Variants in RFX4 observed in about 807,000 individuals in gnomAD.
RFX4 encodes the protein regulatory factor X4.
In RFX4, 10 loss-of-function variants were observed where a neutral mutation model predicts 95.0. The observed-to-expected ratio is 0.11, with a 90% CI of 0.06 to 0.18. The LOEUF (loss-of-function observed/expected upper bound fraction) is 0.18, where lower values mean the gene tolerates loss of function less well. Among genes scored for constraint, RFX4 ranks in the 10% least tolerant of loss-of-function variants. The pLI, the probability that RFX4 is intolerant of heterozygous loss-of-function variation, is 1.00. For synonymous variants in RFX4, 321 were observed against 340.7 expected, an observed-to-expected ratio of 0.94 and a Z score of 0.64; for missense variants, 640 against 922.0, an observed-to-expected ratio of 0.69 and a Z score of 3.96.
chr12:106,645,951 A>T (rs2040735281), intron 3 of RFX4: 1 of 1,288,990 alleles, frequency 7.8e-7, no homozygotes, highest in Non-Finnish European at 1.0e-6. Flanking sequence ...GTTAAGCTGG[A>T]CAACCCAATG....
intron 4 of RFX4, among the ~76,000 whole-genome samples, chr12:106,666,509 TTC>T (rs1422013772): frequency 6.6e-6 from 1 of 152,150 alleles, no homozygotes; most frequent in South Asian, 2.1e-4. Context: ...TTTGCTTCTT[TTC>T]TCTCTTTTTT....
In RFX4 at chr12:106,632,024, T is replaced by C. The variant is rs562818553; in HGVS notation, c.131-7308T>C. Among the ~76,000 whole-genome samples the C allele has an allele frequency of 2.3e-4, 35 of 152,302 alleles. No homozygotes were observed. The East Asian group carries it at 6.0e-3, about 26-fold the overall frequency. On this transcript the variant is annotated intron_variant, in intron 2 of 17. Coordinates refer to ENST00000392842, the MANE Select transcript of RFX4 (RefSeq NM_213594.3). Reference sequence around the variant, plus strand: ...CTGTATGTGCTTGGTACTATTATTATCCCTATTTTACAGATAATGAAACTG... The same window carrying C: ...CTGTATGTGCTTGGTACTATTATTACCCCTATTTTACAGATAATGAAACTG...
chr12:106,690,085 G>C (rs1176193126), intron 7 of RFX4, among the ~76,000 whole-genome samples: 2 of 152,086 alleles, frequency 1.3e-5, no homozygotes, highest in Non-Finnish European at 2.9e-5. Flanking sequence ...TTGTGGGAAG[G>C]GGGTGCTGTT....
At chr12:106,725,712 GT>G (rs1228340043) in intron 13 of RFX4, among the ~76,000 whole-genome samples, 1 of 151,970 alleles carries the variant, frequency 6.6e-6, no homozygotes, top group African/African-American at 2.4e-5. Flanking sequence ...GAGACAAAAC[GT>G]TAAATGGAAA....
At chr12:106,596,476 G>C (rs541058073) in intron 1 of RFX4, among the ~76,000 whole-genome samples, 16 of 152,270 alleles carry the variant, frequency 1.1e-4, no homozygotes, top group African/African-American at 3.9e-4. Context: ...TAATACACAG[G>C]AAAAGGAAAC....
At chr12:106,687,132 G>T (rs752735480) in intron 6 of RFX4, 35 bp downstream of exon 6, 20 of 1,578,988 alleles carry the variant, frequency 1.3e-5, no homozygotes, top group Non-Finnish European at 1.6e-5. Flanking sequence ...TGGGGTGGGT[G>T]GTTTCTCTCT....
intron 16 of RFX4, among the ~76,000 whole-genome samples, chr12:106,748,682 C>T (rs1433534964): frequency 1.3e-5 from 2 of 152,180 alleles, no homozygotes; most frequent in Non-Finnish European, 2.9e-5. Flanking sequence ...GGCACAGTGG[C>T]TCACACCTGT....
intron 4 of RFX4, among the ~76,000 whole-genome samples, chr12:106,672,308 T>A (rs369696597): frequency 2.0e-5 from 3 of 152,080 alleles, no homozygotes; most frequent in African/African-American, 7.2e-5. Context: ...GAGAGAGTAG[T>A]TCTCCAGAGC....
chr12:106,718,820 A>G (rs923709705), intron 11 of RFX4, among the ~76,000 whole-genome samples: 3 of 152,192 alleles, frequency 2.0e-5, no homozygotes, highest in African/African-American at 7.2e-5. Flanking sequence ...TTGATTAAAA[A>G]GCACTTCCAG....
rs963419208 is a variant in RFX4 at position 106,761,771 on chromosome 12, C to T, written c.*302C>T. ...TGTGCCTTTTCCCTCTGTTCCATGA[C>T]TTTGCTTTGTGTTGGCAACCACTTC... On this transcript the variant is annotated 3_prime_UTR_variant, in exon 18 of 18. Coordinates refer to ENST00000392842, the MANE Select transcript of RFX4 (RefSeq NM_213594.3). 2 of 157,888 alleles carry T rather than the reference C, an allele frequency of 1.3e-5. No individual in the cohort carries two copies. Among genetic ancestry groups the T allele is most frequent in the Non-Finnish European group, 2.8e-5 (2 of 71,838 alleles). The allele number at this position is 157,888 out of a possible 1,614,324, so 9.8% of individuals were successfully genotyped here.
In RFX4 at chr12:106,714,068, C is replaced by CAAAAAAA. The variant is rs58283896; in HGVS notation, c.994-1315_994-1309dup. Reference sequence around the variant, plus strand: ...GGGCAACAAGAGTGAAACTCCATCTCAAAAAAAAAAAAAAAAAAAAAAAGC... The same window carrying CAAAAAAA: ...GGGCAACAAGAGTGAAACTCCATCTCAAAAAAAAAAAAAAAAAAAAAAAAAAAAAAGC... On this transcript the variant is annotated intron_variant, in intron 10 of 17. Transcript: ENST00000392842. Among the ~76,000 whole-genome samples, 6 of 30,514 alleles carry CAAAAAAA rather than the reference C, an allele frequency of 2.0e-4. 1 individual carries two copies. The highest frequency in any genetic ancestry group is 1.7e-3 in the South Asian group (1 of 586). 20.0% of individuals were successfully genotyped at this position (30,514 alleles called of 152,430 possible).
At chr12:106,587,611 C>T (rs2039479364) in intron 1 of RFX4, among the ~76,000 whole-genome samples, 1 of 152,222 alleles carries the variant, frequency 6.6e-6, no homozygotes, top group Non-Finnish European at 1.5e-5. Flanking sequence ...CCTCCCTCCT[C>T]TCCGGGTTCT....
chr12:106,748,574 C>T (rs2042938451), intron 16 of RFX4, among the ~76,000 whole-genome samples: 1 of 152,166 alleles, frequency 6.6e-6, no homozygotes, highest in Non-Finnish European at 1.5e-5. Flanking sequence ...TAGCTCTTTG[C>T]CATTATGCAC....
intron 1 of RFX4, chr12:106,601,171 C>T: frequency 1.3e-6 from 2 of 1,507,566 alleles, no homozygotes; most frequent in Non-Finnish European, 1.8e-6. Context: ...GAGCCACCCC[C>T]TGGAGAGGCC....
chr12:106,627,967 A>T (rs2040338084), intron 2 of RFX4, among the ~76,000 whole-genome samples: 1 of 152,216 alleles, frequency 6.6e-6, no homozygotes, highest in Non-Finnish European at 1.5e-5. Flanking sequence ...ACCTCCTGGG[A>T]CACTTGCAAA....
chr12:106,676,257 A>G (rs2041390041), intron 4 of RFX4, among the ~76,000 whole-genome samples: 3 of 152,108 alleles, frequency 2.0e-5, no homozygotes, highest in Admixed American at 2.0e-4. Flanking sequence ...GGTAGTGAGG[A>G]GGGAGAGAGA....
intron 3 of RFX4, among the ~76,000 whole-genome samples, chr12:106,643,185 G>A (rs768993877): frequency 1.3e-5 from 2 of 152,138 alleles, no homozygotes; most frequent in Non-Finnish European, 2.9e-5. Flanking sequence ...TTTTGCTGAG[G>A]ATCACTCCTT....
chr12:106,652,799 TG>T (rs1296936538), intron 3 of RFX4, among the ~76,000 whole-genome samples: 1 of 152,138 alleles, frequency 6.6e-6, no homozygotes, highest in African/African-American at 2.4e-5. Context: ...GTGGGCACCT[TG>T]GGGGGCCGTG....
chr12:106,661,729 T>G (rs1236658507), intron 4 of RFX4, among the ~76,000 whole-genome samples: 1 of 152,236 alleles, frequency 6.6e-6, no homozygotes, highest in African/African-American at 2.4e-5. Flanking sequence ...CCTCTCTCCC[T>G]GTCCCCTAAC....
Sources: gnomAD v4.1 joint callset for allele counts (sites outside exome capture counted in the v4.1 genomes callset) on GRCh38, gnomAD v4.1.1 for gene constraint, MANE v1.5 for transcripts, NCBI Gene and HGNC (gene_info 2026-07-23, HGNC 2026-07-21) for gene names.